TMEM178B: variants seen among roughly 807,000 people sequenced by gnomAD.
The protein encoded by TMEM178B is transmembrane protein 178B.
A neutral mutation model predicts 31.0 loss-of-function variants in TMEM178B; 5 were observed. That is an observed-to-expected ratio of 0.16 (90% CI 0.08 to 0.34). The LOEUF (loss-of-function observed/expected upper bound fraction) is 0.34, where lower values mean the gene tolerates loss of function less well. Among genes scored for constraint, TMEM178B ranks in the 10% least tolerant of loss-of-function variants. The pLI is 1.00. For missense variants in TMEM178B, 275 were observed against 400.3 expected, an observed-to-expected ratio of 0.69 and a Z score of 2.67; for synonymous variants, 164 against 164.0, an observed-to-expected ratio of 1.00 and a Z score of 0.00.
At chr7:141,429,368 A>G (rs1020898526) in intron 2 of TMEM178B, among the ~76,000 whole-genome samples, 1 of 152,012 alleles carries the variant, frequency 6.6e-6, no homozygotes, top group Non-Finnish European at 1.5e-5. Flanking sequence ...ATTCAGCCAT[A>G]AAAAAGAATG....
intron 2 of TMEM178B, among the ~76,000 whole-genome samples, chr7:141,385,356 G>T (rs1315339911): frequency 6.6e-6 from 1 of 152,186 alleles, no homozygotes; most frequent in Non-Finnish European, 1.5e-5. Context: ...AAGATGGTCT[G>T]CTCTAGGGGC....
chr7:141,186,625 G>T (rs1796613518), intron 1 of TMEM178B, among the ~76,000 whole-genome samples: 2 of 152,214 alleles, frequency 1.3e-5, no homozygotes, highest in Non-Finnish European at 2.9e-5. Flanking sequence ...ATCTTCACTT[G>T]AGAGAGGATT....
intron 3 of TMEM178B, among the ~76,000 whole-genome samples, chr7:141,469,732 A>C (rs973804816): frequency 3.3e-5 from 5 of 152,232 alleles, no homozygotes; most frequent in African/African-American, 1.2e-4. Flanking sequence ...TGGGTTTATA[A>C]TTCTAAACCA....
At chr7:141,279,584 A>G (rs1798320705) in intron 2 of TMEM178B, among the ~76,000 whole-genome samples, 1 of 152,216 alleles carries the variant, frequency 6.6e-6, no homozygotes, top group South Asian at 2.1e-4. Context: ...CCTTTGTTCT[A>G]GGCAAAGTAA....
rs114843041 is a variant in TMEM178B, at chr7:141,361,218, T to C, written c.497-76390T>C. On this transcript the variant is annotated intron_variant, in intron 2 of 3. Coordinates refer to ENST00000565468, the MANE Select transcript of TMEM178B (RefSeq NM_001195278.2). ...CACTGGCTGGTGGTCCTTGCTCCTT[T>C]ACTGGAGTTGTATCAGAAGCAAGTA... 5.3e-3 allele frequency among the ~76,000 whole-genome samples: 806 copies of C among 152,300 alleles called. 8 individuals are homozygous for C. The highest frequency in any genetic ancestry group is 0.018 in the African/African-American group (761 of 41,548).
At chr7:141,158,723 A>G (rs1297384857) in intron 1 of TMEM178B, among the ~76,000 whole-genome samples, 1 of 152,070 alleles carries the variant, frequency 6.6e-6, no homozygotes, top group Non-Finnish European at 1.5e-5. Flanking sequence ...GGATCTGCTG[A>G]CAAGTGTGGA....
At chr7:141,095,578 C>T (rs570999705) in intron 1 of TMEM178B, among the ~76,000 whole-genome samples, 3 of 152,290 alleles carry the variant, frequency 2.0e-5, no homozygotes, top group African/African-American at 7.2e-5. Flanking sequence ...ATAGATTGCT[C>T]TCCTCCATAA....
chr7:141,106,610 C>A (rs1205802498), intron 1 of TMEM178B, among the ~76,000 whole-genome samples: 1 of 152,188 alleles, frequency 6.6e-6, no homozygotes, highest in Non-Finnish European at 1.5e-5. Context: ...TTCCTCAGGC[C>A]ACTTTCTGAA....
the TMEM178B span, among the ~76,000 whole-genome samples, chr7:141,510,555 C>T: frequency 6.6e-6 from 1 of 151,408 alleles, no homozygotes; most frequent in Non-Finnish European, 1.5e-5. Flanking sequence ...TGTGGTGGTG[C>T]ATGCCTGTAA....
At chr7:141,283,945 A>G (rs1475509159) in intron 2 of TMEM178B, among the ~76,000 whole-genome samples, 1 of 152,218 alleles carries the variant, frequency 6.6e-6, no homozygotes, top group Non-Finnish European at 1.5e-5. Context: ...TTGTTGATTT[A>G]TTGAAGACAG....
the TMEM178B span, among the ~76,000 whole-genome samples, chr7:141,506,552 G>A: frequency 1.3e-5 from 2 of 152,172 alleles, no homozygotes; most frequent in Non-Finnish European, 2.9e-5. Context: ...CGGCCGCCAT[G>A]ATTTAATTAC....
At chr7:141,400,567 A>G (rs1327024877) in intron 2 of TMEM178B, among the ~76,000 whole-genome samples, 2 of 152,156 alleles carry the variant, frequency 1.3e-5, no homozygotes, top group African/African-American at 2.4e-5. Flanking sequence ...CCTTTCACCC[A>G]TACTCTTGTT....
At chr7:141,462,452 G>C (rs1205077811) in intron 3 of TMEM178B, among the ~76,000 whole-genome samples, 1 of 151,906 alleles carries the variant, frequency 6.6e-6, no homozygotes, top group East Asian at 1.9e-4. Flanking sequence ...GGAGGATGTT[G>C]CCAGCGAGGA....
chr7:141,303,293 G>A (rs185149643), intron 2 of TMEM178B, among the ~76,000 whole-genome samples: 2 of 152,258 alleles, frequency 1.3e-5, no homozygotes, highest in East Asian at 3.9e-4. Flanking sequence ...CAGGATTCTT[G>A]TAGCCTCCAG....
chr7:141,335,411 G>A (rs920205355), intron 2 of TMEM178B, among the ~76,000 whole-genome samples: 1 of 152,180 alleles, frequency 6.6e-6, no homozygotes, highest in Non-Finnish European at 1.5e-5. Flanking sequence ...TGGAAATGAC[G>A]CTGCTTTAGA....
intron 2 of TMEM178B, among the ~76,000 whole-genome samples, chr7:141,379,462 G>A (rs769520411): frequency 6.0e-5 from 9 of 148,766 alleles, no homozygotes; most frequent in African/African-American, 1.5e-4. Flanking sequence ...TCCATCCTGG[G>A]TGACAGAGTA....
intron 2 of TMEM178B, among the ~76,000 whole-genome samples, chr7:141,317,540 T>A (rs942148258): frequency 6.6e-6 from 1 of 152,150 alleles, no homozygotes; most frequent in Non-Finnish European, 1.5e-5. Context: ...ACTGCTGGTG[T>A]CCAGGAGACA....
At chr7:141,358,716 C>T (rs1229042579) in intron 2 of TMEM178B, among the ~76,000 whole-genome samples, 4 of 151,932 alleles carry the variant, frequency 2.6e-5, no homozygotes, top group Admixed American at 6.6e-5. Flanking sequence ...TCTAATAAGT[C>T]GGCAAGCATT....
At chr7:141,090,344 A>G (rs1794861735) in intron 1 of TMEM178B, among the ~76,000 whole-genome samples, 1 of 152,154 alleles carries the variant, frequency 6.6e-6, no homozygotes, top group African/African-American at 2.4e-5. Context: ...GGAGTGAGCC[A>G]CTGTACCCAG....
Sources: allele counts gnomAD v4.1 joint callset (sites outside exome capture counted in the v4.1 genomes callset), GRCh38; gene constraint gnomAD v4.1.1; transcripts MANE v1.5; gene names NCBI Gene and HGNC (gene_info 2026-07-23, HGNC 2026-07-21).